The following NEGR1 variants were observed in gnomAD, a reference collection of about 807,000 sequenced individuals.
NEGR1 encodes IgLON family member 4.
In NEGR1, 10 loss-of-function variants were observed where a neutral mutation model predicts 40.9. That is an observed-to-expected ratio of 0.24 (90% confidence interval 0.15 to 0.42). The LOEUF is 0.42. Ranked by LOEUF, NEGR1 falls within the 10% of genes least tolerant of loss-of-function variation. The pLI is 1.00. For missense variants in NEGR1, 352 were observed against 438.9 expected (o/e 0.80, Z 1.77); for synonymous variants, 185 against 166.8 (o/e 1.11, Z -0.84).
intron 1 of NEGR1, among the ~76,000 whole-genome samples, chr1:72,118,086 A>T (rs1209026364): frequency 6.6e-6 from 1 of 151,844 alleles, no homozygotes; most frequent in Non-Finnish European, 1.5e-5. Context: ...TTTGGGGACA[A>T]GAGATTATTC....
chr1:71,681,325 A>G (rs980530675), intron 4 of NEGR1, among the ~76,000 whole-genome samples: 1 of 152,172 alleles, frequency 6.6e-6, no homozygotes, highest in Non-Finnish European at 1.5e-5. Flanking sequence ...TTTGTGACAA[A>G]CTCTCATCTG....
intron 4 of NEGR1, among the ~76,000 whole-genome samples, chr1:71,646,526 C>G (rs1023020913): frequency 5.9e-5 from 9 of 151,736 alleles, no homozygotes; most frequent in African/African-American, 1.9e-4. Flanking sequence ...TAGGTTAAAG[C>G]TTTTAACACA....
chr1:71,885,572 T>C (rs1200699033), intron 2 of NEGR1, among the ~76,000 whole-genome samples: 1 of 152,158 alleles, frequency 6.6e-6, no homozygotes, highest in East Asian at 1.9e-4. Flanking sequence ...CTGGGTGAAT[T>C]AAAAAACACG....
At chr1:71,809,982 T>C (rs1657932624) in intron 2 of NEGR1, among the ~76,000 whole-genome samples, 1 of 152,132 alleles carries the variant, frequency 6.6e-6, no homozygotes, top group African/African-American at 2.4e-5. Context: ...TCTTAAAAGA[T>C]TTTCAAAAGA....
At chr1:72,218,692 T>A (rs1653908455) in intron 1 of NEGR1, among the ~76,000 whole-genome samples, 1 of 151,388 alleles carries the variant, frequency 6.6e-6, no homozygotes, top group South Asian at 2.1e-4. Context: ...GATTCTCCTC[T>A]GACTTTTGAA....
intron 4 of NEGR1, among the ~76,000 whole-genome samples, chr1:71,611,418 T>C (rs549976333): frequency 6.6e-6 from 1 of 152,284 alleles, no homozygotes; most frequent in Non-Finnish European, 1.5e-5. Context: ...AAAATGGCAT[T>C]GGTGAGGGTA....
chr1:71,697,558 T>C (rs1014088552), intron 4 of NEGR1, among the ~76,000 whole-genome samples: 9 of 151,832 alleles, frequency 5.9e-5, no homozygotes, highest in African/African-American at 2.2e-4. Flanking sequence ...GAAATAGAAA[T>C]AAGTCACCCA....
chr1:71,869,321 C>T (rs1360471533), intron 2 of NEGR1, among the ~76,000 whole-genome samples: 4 of 151,786 alleles, frequency 2.6e-5, no homozygotes, highest in Admixed American at 2.0e-4. Flanking sequence ...TAAATATAGA[C>T]AAATATAGTG....
At chr1:71,532,934 G>T (rs989607123) in intron 6 of NEGR1, among the ~76,000 whole-genome samples, 2 of 151,558 alleles carry the variant, frequency 1.3e-5, no homozygotes, top group Non-Finnish European at 3.0e-5. Context: ...GGAAAGAAAA[G>T]AAAAACATTT....
intron 1 of NEGR1, among the ~76,000 whole-genome samples, chr1:72,196,608 AAAAAT>A (rs1653007709): frequency 6.6e-6 from 1 of 152,028 alleles, no homozygotes; most frequent in African/African-American, 2.4e-5. Context: ...CATCTCTACT[AAAAAT>A]AACAAAATTA....
At chr1:71,727,763 A>C (rs1654719779) in intron 3 of NEGR1, among the ~76,000 whole-genome samples, 1 of 152,182 alleles carries the variant, frequency 6.6e-6, no homozygotes, top group South Asian at 2.1e-4. Flanking sequence ...GCAAAGGATA[A>C]AGGTATAACA....
At chr1:71,659,716 T>TA (rs1651993671) in intron 4 of NEGR1, among the ~76,000 whole-genome samples, 1 of 152,088 alleles carries the variant, frequency 6.6e-6, no homozygotes, top group Admixed American at 6.5e-5. Flanking sequence ...CAAACAAGCA[T>TA]ATGGAAAAAA....
chr1:71,532,205 T>A (rs1469542144), intron 6 of NEGR1, among the ~76,000 whole-genome samples: 1 of 151,614 alleles, frequency 6.6e-6, no homozygotes, highest in African/African-American at 2.4e-5. Context: ...AGGTTGTTTC[T>A]AATATCAATT....
Position 71,399,934 on chromosome 1 carries a change from G to C in NEGR1, c.*7512C>G, listed in dbSNP as rs571838940. Reference sequence around the variant, plus strand: ...TATTATAGTCTTCAACGAATATTTTGTAAGTTTTTTTTCTAAGATATGGTC... The same window carrying C: ...TATTATAGTCTTCAACGAATATTTTCTAAGTTTTTTTTCTAAGATATGGTC... On this transcript the variant is annotated 3_prime_UTR_variant, in exon 7 of 7. Transcript: ENST00000357731. The C allele has an allele frequency of 3.9e-5, 6 of 152,198 alleles. No individual in the cohort carries two copies. In the East Asian group the frequency reaches 1.2e-3, roughly 29 times the overall value. 9.4% of individuals were successfully genotyped at this position (152,198 alleles called of 1,614,324 possible).
intron 1 of NEGR1, among the ~76,000 whole-genome samples, chr1:72,279,474 TA>T (rs61350778): frequency 0.13 from 20,446 of 152,156 alleles, 1,627 homozygotes; most frequent in Non-Finnish European, 0.18. Flanking sequence ...TATGTTACAT[TA>T]AAAATAGAAT....
intron 3 of NEGR1, among the ~76,000 whole-genome samples, chr1:71,734,297 C>A (rs967270515): frequency 8.5e-5 from 13 of 152,102 alleles, no homozygotes; most frequent in African/African-American, 3.1e-4. Flanking sequence ...CTATCTTTAT[C>A]CCTCCCTAGC....
chr1:71,843,159 C>T (rs1659301426), intron 2 of NEGR1, among the ~76,000 whole-genome samples: 1 of 152,100 alleles, frequency 6.6e-6, no homozygotes, highest in Non-Finnish European at 1.5e-5. Flanking sequence ...TTAAAGAGGA[C>T]ATCCATGCCC....
intron 1 of NEGR1, among the ~76,000 whole-genome samples, chr1:72,129,272 C>T (rs904238524): frequency 1.3e-5 from 2 of 152,154 alleles, no homozygotes; most frequent in Admixed American, 6.5e-5. Flanking sequence ...ATTAATAAAT[C>T]TGTTTCCAAA....
At chr1:71,824,913 T>C (rs1028154780) in intron 2 of NEGR1, among the ~76,000 whole-genome samples, 1 of 152,002 alleles carries the variant, frequency 6.6e-6, no homozygotes, top group African/African-American at 2.4e-5. Flanking sequence ...TATTTATGGA[T>C]ATTTGAGTTG....
Sources: allele counts gnomAD v4.1 joint callset (sites outside exome capture counted in the v4.1 genomes callset), GRCh38; gene constraint gnomAD v4.1.1; transcripts MANE v1.5; gene names NCBI Gene and HGNC (gene_info 2026-07-23, HGNC 2026-07-21).